MYH13: variants seen among roughly 807,000 people sequenced by gnomAD.
The protein encoded by MYH13 is myosin-13.
MYH13 carries 177 observed loss-of-function variants against 232.1 expected under a neutral mutation model. The ratio of observed to expected loss-of-function variants is 0.76; its 90% confidence interval spans 0.67 to 0.86. The LOEUF (loss-of-function observed/expected upper bound fraction) is 0.86, where lower values mean the gene tolerates loss of function less well. Ranked by LOEUF, MYH13 falls within the 40% of genes least tolerant of loss-of-function variation. The probability of loss-of-function intolerance (pLI) is 0.00; values close to 1 mark genes in which losing one functional copy is unlikely to be tolerated. For missense variants in MYH13, 2,246 were observed against 2,405.9 expected (o/e 0.93, Z 1.39); for synonymous variants, 884 against 923.5 (o/e 0.96, Z 0.78).
At chr17:10,311,063 GTCC>G (rs758981628) in intron 33 of MYH13, 37 bp downstream of exon 33, 1 of 1,611,590 alleles carries the variant, frequency 6.2e-7, no homozygotes, top group East Asian at 2.2e-5. Context: ...TCAGTTCCCT[GTCC>G]TCCTGAATTT....
At chr17:10,364,249 C>A (rs754390403) in intron 3 of MYH13, 78 bp downstream of exon 3, 1 of 1,403,958 alleles carries the variant, frequency 7.1e-7, no homozygotes, top group Non-Finnish European at 9.9e-7. Context: ...GAAGGACCAG[C>A]ATGCAATTTC....
At chr17:10,346,938 TTGTTC>T (rs2071671262) in intron 12 of MYH13, 140 bp from the exon 13 acceptor site, 3 of 623,238 alleles carry the variant, frequency 4.8e-6, no homozygotes, top group Non-Finnish European at 8.2e-6. Flanking sequence ...AGGTCTGGAC[TTGTTC>T]ACTGAAGCTT....
At position 10,311,925 on chromosome 17, in the gene MYH13, T is replaced by TTC. The variant is rs1906519689; in HGVS notation, c.4515_4516dup (p.Asn1506ArgfsTer12). ...AGACAGCTCACCTTGCAGATTTTTGTTCTCTCGCCTCAGTGTCTCTAACTG... is the reference window on the plus strand; with the variant it reads ...AGACAGCTCACCTTGCAGATTTTTGTTCTCTCTCGCCTCAGTGTCTCTAACTG... On this transcript the variant is annotated frameshift_variant, in exon 32 of 41. Coordinates refer to ENST00000252172, the MANE Select transcript of MYH13 (RefSeq NM_003802.3). LOFTEE classifies it high-confidence loss of function. The TTC allele has an allele frequency of 1.2e-6, 2 of 1,613,972 alleles. No homozygotes were observed. Among genetic ancestry groups the TTC allele is most frequent in the Middle Eastern group, 3.3e-4 (2 of 6,060 alleles).
At position 10,303,532 on chromosome 17, in the gene MYH13, C is replaced by A. The variant is rs1906178311; in HGVS notation, c.5467-34G>T. 3 of 1,584,666 alleles carry A rather than the reference C, an allele frequency of 1.9e-6. No homozygotes were observed. In the South Asian group the frequency reaches 3.3e-5, roughly 18 times the overall value. ...GATGAAAGGAACACAGAATTCAAAT[C>A]TCCTCTCCCAGGCTTCTCTCATGGA... is the stretch of plus-strand genomic sequence containing the variant. On this transcript the variant is annotated intron_variant, in intron 37 of 40. Coordinates refer to ENST00000252172, the MANE Select transcript of MYH13 (RefSeq NM_003802.3).
intron 18 of MYH13, among the ~76,000 whole-genome samples, chr17:10,339,474 A>G (rs1214840131): frequency 6.6e-6 from 1 of 152,230 alleles, no homozygotes; most frequent in African/African-American, 2.4e-5. Flanking sequence ...TCGAGGTAAT[A>G]TAACAAAGTG....
At chr17:10,309,946 ATT>A (rs199973868) in intron 33 of MYH13, 116 bp from the exon 34 acceptor site, 3,051 of 686,220 alleles carry the variant, frequency 4.4e-3, no homozygotes, top group East Asian at 0.014. Context: ...TTAAATTTAA[ATT>A]TTTTTTTTTT....
chr17:10,316,353 C>T (rs576984424), intron 27 of MYH13, among the ~76,000 whole-genome samples: 45 of 151,964 alleles, frequency 3.0e-4, no homozygotes, highest in African/African-American at 1.0e-3. Context: ...CCCAGCTACT[C>T]GGGAGGCTGA....
At chr17:10,358,602 T>TA (rs202036020) in intron 7 of MYH13, among the ~76,000 whole-genome samples, 118 of 150,794 alleles carry the variant, frequency 7.8e-4, no homozygotes, top group Middle Eastern at 3.4e-3. Flanking sequence ...TACAAAAAAT[T>TA]AAAAAAAAAC....
chr17:10,359,477 T>C (rs1160927843), intron 7 of MYH13, among the ~76,000 whole-genome samples: 6 of 152,192 alleles, frequency 3.9e-5, no homozygotes, highest in Non-Finnish European at 8.8e-5. Flanking sequence ...TCTGCATCCT[T>C]TGTAACAGCC....
chr17:10,347,375 AT>A (rs1038907565), intron 12 of MYH13, among the ~76,000 whole-genome samples: 5 of 152,146 alleles, frequency 3.3e-5, no homozygotes, highest in Non-Finnish European at 7.3e-5. Flanking sequence ...CAAAAAAAAA[AT>A]TAATTAATTA....
At chr17:10,339,990 C>T (rs951611255) in intron 18 of MYH13, among the ~76,000 whole-genome samples, 160 bp downstream of exon 18, 6 of 152,122 alleles carry the variant, frequency 3.9e-5, no homozygotes, top group African/African-American at 1.2e-4. Context: ...TGGGTACATC[C>T]GGTATTTTTA....
intron 27 of MYH13, among the ~76,000 whole-genome samples, chr17:10,316,434 C>T (rs902185427): frequency 6.6e-6 from 1 of 151,808 alleles, no homozygotes; most frequent in Non-Finnish European, 1.5e-5. Context: ...GCACTCTAGC[C>T]TTGGCGGCAA....
chr17:10,349,836 G>A (rs780593125), intron 12 of MYH13, among the ~76,000 whole-genome samples: 7 of 152,130 alleles, frequency 4.6e-5, no homozygotes, highest in East Asian at 3.9e-4. Context: ...AGTTTAAAGC[G>A]CACTGCTTCA....
chr17:10,365,195 G>A (rs1189950292), intron 2 of MYH13, among the ~76,000 whole-genome samples: 1 of 152,128 alleles, frequency 6.6e-6, no homozygotes, highest in East Asian at 1.9e-4. Context: ...TTTCTAAATC[G>A]CTCATCGTGT....
rs1491222023 is a variant in MYH13 at position 10,350,985 on chromosome 17, GCC to G, written c.1006-293_1006-292del. Among the ~76,000 whole-genome samples, 34 of 151,980 alleles carry G rather than the reference GCC, an allele frequency of 2.2e-4. 1 individual carries two copies. The East Asian group carries it at 6.6e-3, about 30-fold the overall frequency. ...GCCTGTAATCCCAGCACTTTGAGAG[GCC>G]AGGGCAGGCAGATTACGAGGTCAGG... On this transcript the variant is annotated intron_variant, in intron 11 of 40. Transcript: ENST00000252172.
Position 10,306,719 on chromosome 17 carries a change from T to G in MYH13, c.5296-90A>C, listed in dbSNP as rs1375804242. ...GAGGCGAAGGCTGGGATCATGGTGCTGAGCCTCCCCTGTCTGACTGGGGCC... is the reference window on the plus strand; with the variant it reads ...GAGGCGAAGGCTGGGATCATGGTGCGGAGCCTCCCCTGTCTGACTGGGGCC... On this transcript the variant is annotated intron_variant, in intron 36 of 40. Coordinates refer to ENST00000252172, the MANE Select transcript of MYH13 (RefSeq NM_003802.3). This position sits in a 1 kb window ranked among gnomAD's most constrained non-coding sequence, Gnocchi z 4.3. The G allele has an allele frequency of 6.4e-6, 10 of 1,571,684 alleles. No homozygotes were observed. Among genetic ancestry groups the G allele is most frequent in the Middle Eastern group, 2.3e-4 (1 of 4,330 alleles).
At chr17:10,350,520 T>C (rs1160028187) in intron 12 of MYH13, 36 bp downstream of exon 12, 2 of 1,603,760 alleles carry the variant, frequency 1.2e-6, no homozygotes, top group African/African-American at 2.7e-5. Context: ...TGAACATAGA[T>C]GGACCCAATC....
chr17:10,372,261 G>T (rs1310954564), intron 1 of MYH13, among the ~76,000 whole-genome samples: 1 of 152,118 alleles, frequency 6.6e-6, no homozygotes. Flanking sequence ...TTAAGTAGCT[G>T]GTATGATTTC....
At chr17:10,308,710 TTTG>T (rs1352202435) in intron 35 of MYH13, among the ~76,000 whole-genome samples, 1 of 152,008 alleles carries the variant, frequency 6.6e-6, no homozygotes, top group Non-Finnish European at 1.5e-5. Context: ...ATTTTGTGTT[TTTG>T]TTGTTGTTGT....
Sources: allele counts gnomAD v4.1 joint callset (sites outside exome capture counted in the v4.1 genomes callset), GRCh38; gene constraint gnomAD v4.1.1; non-coding constraint Gnocchi (gnomAD v3.1); transcripts MANE v1.5; gene names NCBI Gene and HGNC (gene_info 2026-07-23, HGNC 2026-07-21).